Variants in EYS observed in about 807,000 individuals in gnomAD.
EYS encodes the protein protein eyes shut homolog.
EYS carries 250 observed loss-of-function variants against 282.1 expected under a neutral mutation model. That is an observed-to-expected ratio of 0.89 (90% CI 0.80 to 0.98). The LOEUF (loss-of-function observed/expected upper bound fraction) is 0.98, where lower values mean the gene tolerates loss of function less well. Ranked by LOEUF, EYS falls within the 50% of genes least tolerant of loss-of-function variation. EYS has a pLI of 0.00. For synonymous variants in EYS, 1,355 were observed against 1,282.9 expected (o/e 1.06, Z -1.20); for missense variants, 4,016 against 3,709.0 (o/e 1.08, Z -2.15).
intron 2 of EYS, among the ~76,000 whole-genome samples, chr6:65,575,669 T>C (rs551232495): frequency 1.3e-5 from 2 of 151,854 alleles, no homozygotes; most frequent in South Asian, 2.1e-4. Context: ...TGTGTTCTTT[T>C]AAACTAAACA....
intron 31 of EYS, among the ~76,000 whole-genome samples, chr6:64,143,172 A>C (rs1320514272): frequency 6.6e-6 from 1 of 152,110 alleles, no homozygotes; most frequent in African/African-American, 2.4e-5. Context: ...TGATGGAGAG[A>C]GGGATGAATA....
At position 64,659,767 on chromosome 6, in the gene EYS, G is replaced by A. The variant is rs1768921223; in HGVS notation, c.3444-33522C>T. The stretch of plus-strand genomic sequence containing the variant: ...TAAGAGCTTACCAACCAAAAAAAGT[G>A]CAGGACCAGATGGATTCACAGCCGA... On this transcript the variant is annotated intron_variant, in intron 22 of 42. Transcript: ENST00000503581. Among the ~76,000 whole-genome samples the A allele has an allele frequency of 2.6e-5, 4 of 152,084 alleles. No individual in the cohort carries two copies. In the South Asian group the frequency reaches 8.3e-4, roughly 32 times the overall value.
At chr6:63,817,157 T>G (rs1318313410) in intron 36 of EYS, among the ~76,000 whole-genome samples, 1 of 152,192 alleles carries the variant, frequency 6.6e-6, no homozygotes, top group Non-Finnish European at 1.5e-5. Flanking sequence ...TTTTTCCTGG[T>G]GACAGAATCA....
chr6:64,957,218 G>A (rs1031818949), intron 14 of EYS, among the ~76,000 whole-genome samples: 7 of 152,120 alleles, frequency 4.6e-5, no homozygotes, highest in African/African-American at 1.4e-4. Flanking sequence ...CAGTACACAT[G>A]CACAATGGCG....
At chr6:64,677,469 G>C (rs774862697) in intron 22 of EYS, among the ~76,000 whole-genome samples, 2 of 152,022 alleles carry the variant, frequency 1.3e-5, no homozygotes, top group Non-Finnish European at 2.9e-5. Context: ...AGCCACTTTC[G>C]GTAAGCATCT....
chr6:64,624,470 G>C (rs912271655), intron 23 of EYS, among the ~76,000 whole-genome samples: 1 of 152,098 alleles, frequency 6.6e-6, no homozygotes, highest in Non-Finnish European at 1.5e-5. Flanking sequence ...GCTTGAAAGA[G>C]GCAAAATGTT....
chr6:65,612,611 A>G (rs561015580), intron 2 of EYS, among the ~76,000 whole-genome samples: 1 of 151,904 alleles, frequency 6.6e-6, no homozygotes, highest in Admixed American at 6.6e-5. Flanking sequence ...ACAACTAAAC[A>G]TTCTACAATA....
intron 22 of EYS, among the ~76,000 whole-genome samples, chr6:64,792,945 G>A (rs1774237608): frequency 6.6e-6 from 1 of 150,696 alleles, no homozygotes; most frequent in Non-Finnish European, 1.5e-5. Flanking sequence ...TTTTTTAGAA[G>A]AATATTTCCA....
At chr6:63,860,444 T>C (rs1490068151) in intron 36 of EYS, among the ~76,000 whole-genome samples, 1 of 152,220 alleles carries the variant, frequency 6.6e-6, no homozygotes, top group Admixed American at 6.5e-5. Flanking sequence ...ATTAATGTCT[T>C]GTAGGGAAAC....
chr6:64,839,116 C>T (rs893333285), intron 19 of EYS, among the ~76,000 whole-genome samples: 2 of 151,924 alleles, frequency 1.3e-5, no homozygotes, highest in Admixed American at 6.6e-5. Context: ...AAACATTTTG[C>T]TATACTTTTG....
intron 31 of EYS, among the ~76,000 whole-genome samples, chr6:64,204,810 A>G (rs1192154780): frequency 6.6e-6 from 1 of 152,168 alleles, no homozygotes; most frequent in East Asian, 1.9e-4. Flanking sequence ...ATGGTACATC[A>G]AAGAATTGAA....
chr6:63,916,251 G>A (rs1764420095), intron 35 of EYS, among the ~76,000 whole-genome samples: 2 of 152,322 alleles, frequency 1.3e-5, no homozygotes, highest in Middle Eastern at 3.4e-3. Flanking sequence ...AGGCTCAGAT[G>A]ATTGTTGGCA....
At chr6:65,662,263 C>T (rs976287969) in intron 1 of EYS, among the ~76,000 whole-genome samples, 1 of 152,078 alleles carries the variant, frequency 6.6e-6, no homozygotes, top group African/African-American at 2.4e-5. Flanking sequence ...GGTTTATCTT[C>T]TACTCAAATT....
chr6:63,726,519 C>T lies in EYS; in HGVS notation c.8233G>A (p.Gly2745Ser), dbSNP rs1226743144. 2.6e-6 allele frequency: 4 copies of T among 1,547,106 alleles called. No homozygotes were observed. The highest frequency in any genetic ancestry group is 2.7e-5 in the African/African-American group (2 of 72,808). ...CAAACAAACAGCCTGCCAATCTTACCTGATTGGGCTTTTAAGTGTTGTGCA... is the reference window on the plus strand; with the variant it reads ...CAAACAAACAGCCTGCCAATCTTACTTGATTGGGCTTTTAAGTGTTGTGCA... The part of the protein sequence containing the change: ...YAAQHLKAQS[G>S]DFLCISLVNS... Residue 2745 changes from glycine (G) to serine (S), a missense_variant and splice_region_variant, in exon 42 of 43, where the codon GGT becomes AGT. Coordinates refer to ENST00000503581, the MANE Select transcript of EYS (RefSeq NM_001142800.2).
At chr6:64,598,502 A>G (rs964153866) in intron 24 of EYS, among the ~76,000 whole-genome samples, 1 of 152,142 alleles carries the variant, frequency 6.6e-6, no homozygotes, top group Non-Finnish European at 1.5e-5. Flanking sequence ...ATAGGTACCA[A>G]GATGATATAG....
chr6:64,967,328 A>ATT (rs573625686), intron 14 of EYS, among the ~76,000 whole-genome samples: 22,187 of 143,126 alleles, frequency 0.16, 1,698 homozygotes, highest in East Asian at 0.24. Context: ...TCAAAACTCC[A>ATT]TTTTTTTTTT....
chr6:64,408,856 T>C (rs977039781), intron 28 of EYS, among the ~76,000 whole-genome samples: 2 of 152,182 alleles, frequency 1.3e-5, no homozygotes, highest in Non-Finnish European at 2.9e-5. Flanking sequence ...GGGCAAATTG[T>C]ATGTTGCTGG....
intron 30 of EYS, among the ~76,000 whole-genome samples, chr6:64,285,582 C>A (rs1371739497): frequency 6.6e-6 from 1 of 152,090 alleles, no homozygotes; most frequent in African/African-American, 2.4e-5. Flanking sequence ...ATTTGGGTAT[C>A]TTTTCAGCAG....
At chr6:63,788,055 CT>C in intron 39 of EYS, 49 bp downstream of exon 39, 1 of 1,375,168 alleles carries the variant, frequency 7.3e-7, no homozygotes, top group South Asian at 1.5e-5. Flanking sequence ...ATTTTTTTCC[CT>C]CAACATTTGA....
Sources: allele counts gnomAD v4.1 joint callset (sites outside exome capture counted in the v4.1 genomes callset), GRCh38; gene constraint gnomAD v4.1.1; transcripts MANE v1.5; gene names NCBI Gene and HGNC (gene_info 2026-07-23, HGNC 2026-07-21).